Variants in DENND1A observed in about 807,000 individuals in gnomAD.
DENND1A encodes the protein DENN domain containing 1A.
Under a neutral mutation model 113.7 loss-of-function variants are expected in DENND1A, and 51 were observed. The observed-to-expected ratio is 0.45, with a 90% confidence interval of 0.36 to 0.57. The LOEUF is 0.57. Among genes scored for constraint, DENND1A ranks in the 20% least tolerant of loss-of-function variants. The pLI is 0.00. For missense variants in DENND1A, 1,258 were observed against 1,395.9 expected (o/e 0.90, Z 1.57); for synonymous variants, 565 against 570.8 (o/e 0.99, Z 0.14).
At chr9:123,431,832 C>A (rs2046154947) in intron 19 of DENND1A, among the ~76,000 whole-genome samples, 1 of 152,162 alleles carries the variant, frequency 6.6e-6, no homozygotes, top group African/African-American at 2.4e-5. Flanking sequence ...CAACACCTAG[C>A]ACATACGGGA....
At chr9:123,768,718 T>TA (rs1829233929) in intron 4 of DENND1A, among the ~76,000 whole-genome samples, 1 of 151,640 alleles carries the variant, frequency 6.6e-6, no homozygotes, top group Non-Finnish European at 1.5e-5. Flanking sequence ...GATTCAACTG[T>TA]AATGAAAAAG....
chr9:123,622,338 G>C (rs1171357344), intron 10 of DENND1A, among the ~76,000 whole-genome samples: 3 of 152,106 alleles, frequency 2.0e-5, no homozygotes, highest in African/African-American at 7.2e-5. Flanking sequence ...TCCCTATTTA[G>C]GACTACTTCT....
At chr9:123,527,349 C>G (rs965215322) in intron 13 of DENND1A, among the ~76,000 whole-genome samples, 1 of 152,180 alleles carries the variant, frequency 6.6e-6, no homozygotes, top group Non-Finnish European at 1.5e-5. Flanking sequence ...ACTTCCCTCC[C>G]TTACAAACTC....
chr9:123,748,169 T>C (rs756477226), intron 5 of DENND1A, among the ~76,000 whole-genome samples: 2 of 152,210 alleles, frequency 1.3e-5, no homozygotes, highest in Non-Finnish European at 2.9e-5. Flanking sequence ...GGAAAGAATA[T>C]TTAATGACAT....
At chr9:123,706,719 C>T (rs1258871510) in intron 5 of DENND1A, among the ~76,000 whole-genome samples, 42 of 133,106 alleles carry the variant, frequency 3.2e-4, no homozygotes, top group African/African-American at 1.1e-3. Flanking sequence ...TGCAGTGAGC[C>T]GAGATCACGC....
rs192668889 is a variant in DENND1A, at chr9:123,896,364, C to T, written c.18-17343G>A. Among the ~76,000 whole-genome samples the T allele has an allele frequency of 3.7e-3, 566 of 151,320 alleles. 10 individuals are homozygous for T. Among genetic ancestry groups the T allele is most frequent in the Admixed American group, 0.033 (508 of 15,198 alleles). ...AAAACCCTCAACCCCAGAATTTAAACCGAAGTGGTCCCAAACTAAGAGTGG... is the reference window on the plus strand; with the variant it reads ...AAAACCCTCAACCCCAGAATTTAAATCGAAGTGGTCCCAAACTAAGAGTGG... On this transcript the variant is annotated intron_variant, in intron 1 of 23. Coordinates refer to ENST00000394215, the MANE Select transcript of DENND1A (RefSeq NM_001352964.2).
At chr9:123,398,672 C>T (rs1016222837) in intron 21 of DENND1A, among the ~76,000 whole-genome samples, 7 of 151,976 alleles carry the variant, frequency 4.6e-5, no homozygotes, top group South Asian at 2.1e-4. Flanking sequence ...CCACCGCGCC[C>T]GGCCACCATT....
At chr9:123,424,765 G>A (rs2045586007) in intron 19 of DENND1A, among the ~76,000 whole-genome samples, 1 of 152,170 alleles carries the variant, frequency 6.6e-6, no homozygotes, top group Admixed American at 6.5e-5. Flanking sequence ...AGCTATCTGG[G>A]GATCATCATA....
At chr9:123,417,474 G>A (rs1349573977) in intron 19 of DENND1A, among the ~76,000 whole-genome samples, 1 of 152,226 alleles carries the variant, frequency 6.6e-6, no homozygotes, top group African/African-American at 2.4e-5. Flanking sequence ...GGAAACAGGA[G>A]GCCCAGAGAG....
chr9:123,826,989 A>G (rs1839424835), intron 2 of DENND1A, among the ~76,000 whole-genome samples: 1 of 152,214 alleles, frequency 6.6e-6, no homozygotes. Flanking sequence ...TTAATTATAC[A>G]GTGTGGATTT....
intron 2 of DENND1A, among the ~76,000 whole-genome samples, chr9:123,871,376 A>G (rs1588021193): frequency 6.6e-6 from 1 of 152,156 alleles, no homozygotes; most frequent in Non-Finnish European, 1.5e-5. Flanking sequence ...GAGACACTAC[A>G]CCCAGCCAGC....
intron 11 of DENND1A, among the ~76,000 whole-genome samples, chr9:123,596,515 G>A (rs566180021): frequency 6.6e-6 from 1 of 152,200 alleles, no homozygotes; most frequent in Non-Finnish European, 1.5e-5. Context: ...AGCTCCAAGA[G>A]GTACAGTAAT....
At chr9:123,805,045 G>T (rs933104186) in intron 2 of DENND1A, among the ~76,000 whole-genome samples, 1 of 152,120 alleles carries the variant, frequency 6.6e-6, no homozygotes, top group Non-Finnish European at 1.5e-5. Context: ...TGCATGCCAT[G>T]CTTCCACTTC....
chr9:123,547,932 T>C (rs2056806595), intron 13 of DENND1A, among the ~76,000 whole-genome samples: 1 of 152,228 alleles, frequency 6.6e-6, no homozygotes, highest in African/African-American at 2.4e-5. Context: ...CAAGGCACTA[T>C]GCTGGTGTTT....
intron 10 of DENND1A, among the ~76,000 whole-genome samples, chr9:123,615,995 T>G (rs780548354): frequency 6.6e-6 from 1 of 152,178 alleles, no homozygotes; most frequent in African/African-American, 2.4e-5. Flanking sequence ...AGTGGTGCGA[T>G]CTTGGCCCAC....
intron 9 of DENND1A, among the ~76,000 whole-genome samples, chr9:123,644,479 CCAGATTTGGCT>C (rs1227360590): frequency 6.7e-6 from 1 of 148,550 alleles, no homozygotes; most frequent in East Asian, 1.9e-4. Flanking sequence ...ACCTTATCCA[CCAGATTTGGCT>C]CAGGGTATCT....
chr9:123,894,330 TC>T (rs1176919895), intron 1 of DENND1A, among the ~76,000 whole-genome samples: 3 of 152,234 alleles, frequency 2.0e-5, no homozygotes, highest in African/African-American at 7.2e-5. Flanking sequence ...TCAACCATCA[TC>T]CGAGGTATCT....
intron 1 of DENND1A, among the ~76,000 whole-genome samples, chr9:123,915,723 T>C (rs1232828137): frequency 6.6e-6 from 1 of 152,044 alleles, no homozygotes; most frequent in African/African-American, 2.4e-5. Context: ...AAACTAAAAA[T>C]AGGGTCAGTT....
chr9:123,590,479 C>T lies in DENND1A; in HGVS notation c.766-7209G>A, dbSNP rs112188377. Among the ~76,000 whole-genome samples the T allele has an allele frequency of 6.3e-4, 96 of 152,288 alleles. 3 individuals are homozygous for T. The East Asian group carries it at 9.8e-3, about 16-fold the overall frequency. The stretch of plus-strand genomic sequence containing the variant: ...GGTATGTCACTTAATCTTTCTGTGC[C>T]TCAGTTTCCTCCTTGATAAATGGGG... On this transcript the variant is annotated intron_variant, in intron 11 of 23. Coordinates refer to ENST00000394215, the MANE Select transcript of DENND1A (RefSeq NM_001352964.2).
Sources: gnomAD v4.1 joint callset for allele counts (sites outside exome capture counted in the v4.1 genomes callset) on GRCh38, gnomAD v4.1.1 for gene constraint, MANE v1.5 for transcripts, NCBI Gene and HGNC (gene_info 2026-07-23, HGNC 2026-07-21) for gene names.